The following NLRP7 variants were observed in gnomAD, a reference collection of about 807,000 sequenced individuals.
NLRP7 encodes NACHT, LRR and PYD domains-containing protein 7.
Under a neutral mutation model 85.5 loss-of-function variants are expected in NLRP7, and 72 were observed. The observed-to-expected ratio is 0.84, with a 90% CI of 0.70 to 1.02. The LOEUF is 1.02. NLRP7 is among the 50% of genes least tolerant of loss of function. NLRP7 has a pLI of 0.00. For missense variants in NLRP7, 1,243 were observed against 1,219.5 expected, an observed-to-expected ratio of 1.02 and a Z score of -0.29; for synonymous variants, 550 against 505.2, an observed-to-expected ratio of 1.09 and a Z score of -1.19.
chr19:54,965,338 G>T lies in NLRP7; in HGVS notation c.-77+702C>A, dbSNP rs970477391. On this transcript the variant is annotated intron_variant, in intron 1 of 2. Coordinates refer to the NLRP7 transcript ENST00000587103. Reference sequence around the variant, plus strand: ...CTTAATAGAGCTTTCTCAACCTGCAGCCCTCATCTCCGCCGGCGAGTAGGG... The same window carrying T: ...CTTAATAGAGCTTTCTCAACCTGCATCCCTCATCTCCGCCGGCGAGTAGGG... 3 of 104,144 alleles carry T rather than the reference G, an allele frequency of 2.9e-5. 1 individual carries two copies. The highest frequency in any genetic ancestry group is 6.1e-5 in the Non-Finnish European group (3 of 49,294). 6.5% of individuals were successfully genotyped at this position (104,144 alleles called of 1,614,324 possible). A position where few individuals can be genotyped will look rare whatever the true frequency, so the allele number is the denominator to read the frequency against.
At position 54,934,342 on chromosome 19, in the gene NLRP7, C is replaced by T; in HGVS notation, c.2471+147G>A. On this transcript the variant is annotated intron_variant, in intron 7 of 9. Coordinates refer to ENST00000340844, the Ensembl canonical transcript of NLRP7. This position sits in a 1 kb window ranked among gnomAD's most constrained non-coding sequence, Gnocchi z 6.7. ...TCCGCCCACCTCTCTGCTGAGATTACAGGCAGGAGCCACCGTGCCGGGCCT... is the reference window on the plus strand; with the variant it reads ...TCCGCCCACCTCTCTGCTGAGATTATAGGCAGGAGCCACCGTGCCGGGCCT... 1.2e-6 allele frequency: 1 copy of T among 821,622 alleles called. No individual in the cohort carries two copies. Among genetic ancestry groups the T allele is most frequent in the East Asian group, 2.4e-5 (1 of 41,222 alleles). 50.9% of individuals were successfully genotyped at this position (821,622 alleles called of 1,614,324 possible).
At chr19:54,930,666 C>A in exon 9 of NLRP7, 1 of 1,613,208 alleles carries the variant, frequency 6.2e-7, no homozygotes, top group Non-Finnish European at 8.5e-7. Context: ...ATTGCTGTAA[C>A]CTACAGGATA....
intron 1 of NLRP7, among the ~76,000 whole-genome samples, chr19:54,953,521 C>A (rs1347977322): frequency 6.6e-6 from 1 of 152,010 alleles, no homozygotes; most frequent in Admixed American, 6.6e-5. Context: ...GGGTGTGGCG[C>A]CGGGCTGTCT....
At chr19:54,928,169 C>G (rs534059) in intron 9 of NLRP7, among the ~76,000 whole-genome samples, 1 of 151,570 alleles carries the variant, frequency 6.6e-6, no homozygotes, top group African/African-American at 2.4e-5. Flanking sequence ...ACAGTGAGCC[C>G]AGATTGCGCC....
chr19:54,947,196 G>A (rs148552790), intron 1 of NLRP7, among the ~76,000 whole-genome samples: 11 of 152,078 alleles, frequency 7.2e-5, no homozygotes, highest in South Asian at 2.1e-4. Flanking sequence ...ATGGTGGCAC[G>A]TGCCTGTAGT....
At position 54,933,754 on chromosome 19, in the gene NLRP7, A is replaced by G. The variant is rs1413259259; in HGVS notation, c.2472-15T>C. 1 of 1,611,126 alleles carries G rather than the reference A, an allele frequency of 6.2e-7. No individual in the cohort carries two copies. The highest frequency in any genetic ancestry group is 1.3e-5 in the African/African-American group (1 of 74,874). On this transcript the variant is annotated splice_polypyrimidine_tract_variant and intron_variant, in intron 7 of 9. Transcript: ENST00000340844. ...AGTTTTCCAACCTGCAAAAATATGA[A>G]ACAAATGGTAGAAGGATGAGAACAT...
At position 54,923,859 on chromosome 19, in the gene NLRP7, C is replaced by T. The variant is rs752949415; in HGVS notation, c.2824G>A (p.Glu942Lys). 2.6e-5 allele frequency: 42 copies of T among 1,613,876 alleles called. No homozygotes were observed. The South Asian group carries it at 4.6e-4, about 18-fold the overall frequency. Residue 942 changes from glutamate to lysine, a missense_variant, in exon 10 of 10, where the codon GAA (glutamate) becomes AAA (lysine). Physicochemically the swap from Glu to Lys is moderately conservative, Grantham distance 56 (BLOSUM62 1). Coordinates refer to ENST00000340844, the Ensembl canonical transcript of NLRP7. ...AGCTTCTTGATTTCCAAATTAGTTT[C>T]ATAGGTCTTCAACCTGGAGGGATCA... is the stretch of plus-strand genomic sequence containing the variant.
At chr19:54,963,266 C>A (rs1311817089) in intron 1 of NLRP7, among the ~76,000 whole-genome samples, 3 of 151,890 alleles carry the variant, frequency 2.0e-5, no homozygotes, top group African/African-American at 7.3e-5. Flanking sequence ...GGCGTGATGG[C>A]GTATGCCTGT....
exon 2 of NLRP7, chr19:54,941,511 T>C (rs1391679087): frequency 1.9e-6 from 3 of 1,613,906 alleles, no homozygotes; most frequent in East Asian, 2.2e-5. Context: ...TCGCATTCCT[T>C]ATCCAATTTT....
intron 9 of NLRP7, among the ~76,000 whole-genome samples, chr19:54,928,438 C>G (rs766808594): frequency 6.6e-5 from 10 of 152,028 alleles, no homozygotes; most frequent in Non-Finnish European, 1.0e-4. Context: ...TGCTGGGGCT[C>G]CAGTAGTGAG....
intron 1 of NLRP7, among the ~76,000 whole-genome samples, chr19:54,944,751 AAGG>A (rs1418119688): frequency 6.6e-6 from 1 of 152,096 alleles, no homozygotes; most frequent in African/African-American, 2.4e-5. Flanking sequence ...TGGGCGACAC[AAGG>A]AGACCTTGTC....
chr19:54,934,029 C>CT lies in NLRP7; in HGVS notation c.2472-291_2472-290insA, dbSNP rs2068787238. Among the ~76,000 whole-genome samples the CT allele has an allele frequency of 1.3e-5, 2 of 152,160 alleles. No homozygotes were observed. Among genetic ancestry groups the CT allele is most frequent in the African/African-American group, 2.4e-5 (1 of 41,454 alleles). Reference sequence around the variant, plus strand: ...GCGATCTCGGTTCACTGCCAATCGCCGCCTCCCAGGTTTACACCATTCTGC... The same window carrying CT: ...GCGATCTCGGTTCACTGCCAATCGCCTGCCTCCCAGGTTTACACCATTCTGC... On this transcript the variant is annotated intron_variant, in intron 7 of 9. Transcript: ENST00000340844. The surrounding 1 kb of genome is among the most constrained non-coding windows in gnomAD (Gnocchi z 6.7).
At chr19:54,926,864 C>T (rs982213614) in intron 9 of NLRP7, among the ~76,000 whole-genome samples, 2 of 148,368 alleles carry the variant, frequency 1.3e-5, no homozygotes, top group African/African-American at 2.5e-5. Flanking sequence ...TGCACTGAGC[C>T]GAGATAGCGC....
intron 9 of NLRP7, among the ~76,000 whole-genome samples, chr19:54,924,555 C>T (rs922786775): frequency 6.6e-6 from 1 of 152,118 alleles, no homozygotes; most frequent in African/African-American, 2.4e-5. Context: ...GCCCAGGAGG[C>T]GGAGGTTGCA....
intron 9 of NLRP7, among the ~76,000 whole-genome samples, chr19:54,925,916 C>T (rs1013801462): frequency 6.6e-6 from 1 of 151,588 alleles, no homozygotes; most frequent in Admixed American, 6.6e-5. Context: ...AGGAGAATGG[C>T]GTGAACCCGG....
upstream of NLRP7, among the ~76,000 whole-genome samples, chr19:54,951,804 G>A (rs1188828278): frequency 1.3e-5 from 2 of 151,684 alleles, no homozygotes; most frequent in South Asian, 2.1e-4. Context: ...AGGCTGGAGG[G>A]CAGTGGCGCA....
intron 1 of NLRP7, among the ~76,000 whole-genome samples, chr19:54,954,245 CG>C (rs2069773686): frequency 6.8e-6 from 1 of 147,540 alleles, no homozygotes; most frequent in East Asian, 2.0e-4. Flanking sequence ...AATGGGCAAC[CG>C]GCCGGGCGCG....
At chr19:54,936,414 G>A (rs757136974) in exon 6 of NLRP7, 1 of 1,614,116 alleles carries the variant, frequency 6.2e-7, no homozygotes, top group Admixed American at 1.7e-5. Flanking sequence ...CGCGGTGTCA[G>A]GGGTGACGTT....
At chr19:54,945,592 AT>A (rs1569541528) in intron 1 of NLRP7, among the ~76,000 whole-genome samples, 2 of 150,026 alleles carry the variant, frequency 1.3e-5, no homozygotes, top group Non-Finnish European at 3.0e-5. Context: ...TCCCAAGTAC[AT>A]TTTTTTCTTT....
Sources: gnomAD v4.1 joint callset for allele counts (sites outside exome capture counted in the v4.1 genomes callset) on GRCh38, gnomAD v4.1.1 for gene constraint, Gnocchi (gnomAD v3.1) non-coding constraint, MANE v1.5 for transcripts, NCBI Gene and HGNC (gene_info 2026-07-23, HGNC 2026-07-21) for gene names.